Variants in MAGI1 observed in about 807,000 individuals in gnomAD.
MAGI1 encodes membrane-associated guanylate kinase, WW and PDZ domain-containing protein 1.
A neutral mutation model predicts 139.9 loss-of-function variants in MAGI1; 58 were observed. The observed-to-expected ratio is 0.41, with a 90% CI of 0.34 to 0.52. The LOEUF (loss-of-function observed/expected upper bound fraction) is 0.52. MAGI1 is among the 20% of genes least tolerant of loss of function. MAGI1 has a pLI of 0.12. For synonymous variants in MAGI1, 812 were observed against 737.9 expected (o/e 1.10, Z -1.63); for missense variants, 1,874 against 1,901.6 (o/e 0.99, Z 0.27).
At chr3:65,486,254 C>G (rs1412451755) in intron 3 of MAGI1, among the ~76,000 whole-genome samples, 1 of 152,150 alleles carries the variant, frequency 6.6e-6, no homozygotes, top group Non-Finnish European at 1.5e-5. Flanking sequence ...CAACCCATAA[C>G]TCCAATTTGA....
At chr3:65,975,047 A>G (rs749040024) in intron 1 of MAGI1, among the ~76,000 whole-genome samples, 3 of 151,754 alleles carry the variant, frequency 2.0e-5, no homozygotes, top group Admixed American at 6.6e-5. Flanking sequence ...AACTTATTCA[A>G]ATCATTCATA....
At chr3:65,792,235 C>T (rs538411105) in intron 1 of MAGI1, among the ~76,000 whole-genome samples, 66 of 152,116 alleles carry the variant, frequency 4.3e-4, no homozygotes, top group Admixed American at 2.0e-3. Context: ...GAAGCTGAGG[C>T]GAGAGGATCA....
At chr3:65,540,758 C>CA (rs1272345654) in intron 2 of MAGI1, among the ~76,000 whole-genome samples, 1 of 152,192 alleles carries the variant, frequency 6.6e-6, no homozygotes, top group Non-Finnish European at 1.5e-5. Flanking sequence ...CCTCAATGCA[C>CA]AATCATTCTT....
intron 2 of MAGI1, among the ~76,000 whole-genome samples, chr3:65,514,405 C>A (rs2077753974): frequency 8.8e-6 from 1 of 113,960 alleles, no homozygotes; most frequent in East Asian, 2.6e-4. Flanking sequence ...TTGCAACCTA[C>A]TCATCTGACA....
rs1435804613 is a variant in MAGI1 at position 65,805,769 on chromosome 3, A to G, written c.314-183681T>C. Among the ~76,000 whole-genome samples, 7 of 152,204 alleles carry G rather than the reference A, an allele frequency of 4.6e-5. No individual in the cohort carries two copies. The East Asian group carries it at 9.6e-4, about 21-fold the overall frequency. The stretch of plus-strand genomic sequence containing the variant: ...ATACTATGCAGCCATAAAAAGGAAC[A>G]AGATCATGTCCTTTGGAGGGACATA... On this transcript the variant is annotated intron_variant, in intron 1 of 22. Transcript: ENST00000402939.
chr3:65,450,178 G>A (rs1948943700), intron 6 of MAGI1, among the ~76,000 whole-genome samples: 1 of 152,194 alleles, frequency 6.6e-6, no homozygotes, highest in African/African-American at 2.4e-5. Flanking sequence ...AAAACCTAGA[G>A]AGGCTGACCA....
intron 18 of MAGI1, among the ~76,000 whole-genome samples, chr3:65,373,058 A>G (rs968691760): frequency 1.3e-5 from 2 of 152,144 alleles, no homozygotes; most frequent in Non-Finnish European, 2.9e-5. Context: ...CTCTGCATTC[A>G]CAACTTGGAT....
intron 12 of MAGI1, among the ~76,000 whole-genome samples, chr3:65,425,108 T>TAAAAAAAAAAAAAAAAA (rs72030632): frequency 1.5e-5 from 1 of 66,592 alleles, no homozygotes; most frequent in African/African-American, 6.1e-5. Flanking sequence ...GTAGAACTTC[T>TAAAAAAAAAAAAAAAAA]AAAAAAAAAA....
intron 13 of MAGI1, among the ~76,000 whole-genome samples, chr3:65,397,768 T>C (rs1429537190): frequency 1.3e-5 from 2 of 152,190 alleles, no homozygotes; most frequent in East Asian, 1.9e-4. Context: ...ATTATGTGCG[T>C]ACTTGCTTCC....
intron 12 of MAGI1, among the ~76,000 whole-genome samples, chr3:65,417,685 T>C (rs571151179): frequency 6.6e-6 from 1 of 152,226 alleles, no homozygotes; most frequent in Admixed American, 6.5e-5. Flanking sequence ...GTATGCTGTC[T>C]TTGGGTCTCA....
chr3:65,520,869 A>G (rs766296111), intron 2 of MAGI1, among the ~76,000 whole-genome samples: 11 of 152,216 alleles, frequency 7.2e-5, no homozygotes, highest in Admixed American at 1.3e-4. Context: ...AGCTAACTCA[A>G]TATCACCAAC....
chr3:65,865,741 A>C (rs2059702845), intron 1 of MAGI1, among the ~76,000 whole-genome samples: 1 of 152,190 alleles, frequency 6.6e-6, no homozygotes, highest in South Asian at 2.1e-4. Flanking sequence ...CCCAGGTTCA[A>C]ACGATTCTCC....
chr3:65,768,839 A>C, intron 1 of MAGI1, among the ~76,000 whole-genome samples: 1 of 152,190 alleles, frequency 6.6e-6, no homozygotes, highest in Non-Finnish European at 1.5e-5. Flanking sequence ...AAAATGTGAA[A>C]AATGTGTTTA....
intron 1 of MAGI1, among the ~76,000 whole-genome samples, chr3:65,783,541 T>A (rs867176612): frequency 2.0e-5 from 3 of 152,106 alleles, no homozygotes; most frequent in Non-Finnish European, 4.4e-5. Flanking sequence ...CCACCCAGGC[T>A]GGAGTGCAGT....
At chr3:65,947,794 T>C (rs2063606375) in intron 1 of MAGI1, among the ~76,000 whole-genome samples, 1 of 151,986 alleles carries the variant, frequency 6.6e-6, no homozygotes, top group African/African-American at 2.4e-5. Context: ...TTTATTTTAT[T>C]TTTAGTATTG....
intron 1 of MAGI1, among the ~76,000 whole-genome samples, chr3:65,648,290 CGT>C (rs35122002): frequency 0.14 from 20,285 of 146,658 alleles, 1,695 homozygotes; most frequent in Non-Finnish European, 0.19. Context: ...TACTACAGGC[CGT>C]GTGTGTGTGT....
intron 1 of MAGI1, among the ~76,000 whole-genome samples, chr3:65,943,499 C>T (rs772239663): frequency 4.7e-5 from 7 of 150,102 alleles, no homozygotes; most frequent in South Asian, 4.5e-4. Context: ...CGCTTGAACC[C>T]GGGAGGCGGA....
chr3:65,816,180 T>A (rs952355449), intron 1 of MAGI1, among the ~76,000 whole-genome samples: 1 of 151,994 alleles, frequency 6.6e-6, no homozygotes, highest in African/African-American at 2.4e-5. Context: ...AGAGTCATGG[T>A]TGGAAATCAC....
intron 2 of MAGI1, among the ~76,000 whole-genome samples, chr3:65,585,582 G>C (rs549587076): frequency 1.0e-3 from 153 of 152,272 alleles, no homozygotes; most frequent in African/African-American, 3.4e-3. Context: ...ATGAAAAATG[G>C]TACAGCCACT....
Sources: allele counts gnomAD v4.1 joint callset (sites outside exome capture counted in the v4.1 genomes callset), GRCh38; gene constraint gnomAD v4.1.1; transcripts MANE v1.5; gene names NCBI Gene and HGNC (gene_info 2026-07-23, HGNC 2026-07-21).